Variants in FBXO9 observed in about 807,000 individuals in gnomAD.
FBXO9 encodes F-box protein 9.
A neutral mutation model predicts 63.7 loss-of-function variants in FBXO9; 43 were observed. The ratio of observed to expected loss-of-function variants is 0.67; its 90% CI spans 0.53 to 0.87. The LOEUF (loss-of-function observed/expected upper bound fraction) is 0.87, where lower values mean the gene tolerates loss of function less well. FBXO9 is among the 40% of genes least tolerant of loss of function. The pLI is 0.00. For synonymous variants in FBXO9, 156 were observed against 171.7 expected (o/e 0.91, Z 0.72); for missense variants, 442 against 533.2 (o/e 0.83, Z 1.68).
At chr6:53,090,884 A>T (rs972133856) in intron 7 of FBXO9, 6 of 151,862 alleles carry the variant, frequency 4.0e-5, no homozygotes, top group African/African-American at 1.5e-4. Context: ...CTAGTTAATT[A>T]AAAAAAATTT....
At position 53,065,453 on chromosome 6, in the gene FBXO9, G is replaced by T. The variant is rs1309523714; in HGVS notation, c.-337G>T. 2 of 286,370 alleles carry T rather than the reference G, an allele frequency of 7.0e-6. No individual in the cohort carries two copies. The highest frequency in any genetic ancestry group is 1.3e-5 in the Non-Finnish European group (2 of 154,596). The allele number at this position is 286,370 out of a possible 1,614,324, so 17.7% of individuals were successfully genotyped here. A position where few individuals can be genotyped will look rare whatever the true frequency, so the allele number is the denominator to read the frequency against. ...TCCGCAGCTGAGGGGGCAGCTCCGC[G>T]GCGGCGTCCGGGGTCTCCAGTAGGG... On this transcript the variant is annotated 5_prime_UTR_variant, in exon 1 of 13. Transcript: ENST00000323557.
At chr6:53,084,030 T>C (rs907950565) in intron 7 of FBXO9, among the ~76,000 whole-genome samples, 2 of 152,230 alleles carry the variant, frequency 1.3e-5, no homozygotes, top group Non-Finnish European at 2.9e-5. Context: ...TGGATTCCAT[T>C]ATTAAGTTTG....
intron 2 of FBXO9, among the ~76,000 whole-genome samples, chr6:53,072,886 A>G (rs958900903): frequency 1.3e-5 from 2 of 152,044 alleles, no homozygotes; most frequent in African/African-American, 4.8e-5. Flanking sequence ...ACACCTGGCT[A>G]ATTTGTTTGT....
chr6:53,093,930 A>C lies in FBXO9; in HGVS notation c.1005A>C (p.Thr335=). 6.4e-7 allele frequency: 1 copy of C among 1,555,268 alleles called. No homozygotes were observed. Among genetic ancestry groups the C allele is most frequent in the South Asian group, 1.2e-5 (1 of 84,024 alleles). The part of the protein sequence containing the change: ...LLGHYRLSQD[T]DNQTKVFAVI... The stretch of plus-strand genomic sequence containing the variant: ...GTCACTATCGCTTGTCACAAGACAC[A>C]GACAATCAGACCAAAGTATTTGCTG... Residue 335 remains threonine (T), a synonymous_variant, in exon 11 of 13, where the codon ACA becomes ACC. Transcript: ENST00000323557.
rs751517749 is a variant in FBXO9, at chr6:53,093,548, A to G, written c.946A>G (p.Thr316Ala). 2 of 1,612,682 alleles carry G rather than the reference A, an allele frequency of 1.2e-6. No individual in the cohort carries two copies. Among genetic ancestry groups the G allele is most frequent in the Non-Finnish European group, 1.7e-6 (2 of 1,178,964 alleles). Reference sequence around the variant, plus strand: ...TCAGTCCATTGTTCCACGTTTAAGAACTAGGAATACCAGGTAGCATTTGTT... The same window carrying G: ...TCAGTCCATTGTTCCACGTTTAAGAGCTAGGAATACCAGGTAGCATTTGTT... Reference protein sequence around the residue: ...EPQSIVPRLRTRNTRTDAILL... With the variant: ...EPQSIVPRLRARNTRTDAILL... The change falls in exon 10 of 13, where the codon ACT (threonine) becomes GCT (alanine). Residue 316 changes from threonine to alanine, a missense_variant. This residue lies in a region of FBXO9 where 262 missense variants were observed against 362.1 expected (regional missense o/e 0.72). Coordinates refer to ENST00000323557, the MANE Select transcript of FBXO9 (RefSeq NM_033480.3).
chr6:53,065,823 G>A (rs1768673656), intron 1 of FBXO9, 31 bp downstream of exon 1: 3 of 1,325,408 alleles, frequency 2.3e-6, no homozygotes, highest in Non-Finnish European at 1.9e-6. Context: ...GAGGGTGGAC[G>A]CCGCGGGGCG....
At chr6:53,069,213 C>T (rs1019230229) in intron 1 of FBXO9, among the ~76,000 whole-genome samples, 2 of 152,274 alleles carry the variant, frequency 1.3e-5, no homozygotes, top group Middle Eastern at 3.4e-3. Flanking sequence ...TACATTTTAA[C>T]CTAGAACCCA....
At chr6:53,072,932 G>A (rs146220371) in intron 2 of FBXO9, among the ~76,000 whole-genome samples, 1,521 of 152,006 alleles carry the variant, frequency 0.01, 17 homozygotes, top group East Asian at 0.062. Flanking sequence ...CATGTTGGCC[G>A]GGCTGTTCTC....
intron 3 of FBXO9, among the ~76,000 whole-genome samples, chr6:53,075,703 C>G (rs544730650): frequency 1.0e-3 from 116 of 112,046 alleles, no homozygotes; most frequent in Non-Finnish European, 1.6e-3. Flanking sequence ...CTGTTGATGT[C>G]TTTTCTAATT....
In FBXO9 at chr6:53,081,148, A is replaced by G. The variant is rs773251231; in HGVS notation, c.538+50A>G. The G allele has an allele frequency of 3.2e-6, 5 of 1,558,546 alleles. No homozygotes were observed. The Admixed American group carries it at 9.4e-5, about 29-fold the overall frequency. ...TCAGTGAGAAATATCTTAACCTTAA[A>G]GATTTCCAAATTTATAAGGTCAGAT... On this transcript the variant is annotated intron_variant, in intron 6 of 12. Coordinates refer to ENST00000323557, the MANE Select transcript of FBXO9 (RefSeq NM_033480.3).
At chr6:53,092,592 T>C (rs758423078) in intron 8 of FBXO9, 45 bp downstream of exon 8, 3 of 1,533,494 alleles carry the variant, frequency 2.0e-6, no homozygotes, top group Non-Finnish European at 2.7e-6. Flanking sequence ...TGATCTATAA[T>C]GCTGATTTTT....
At chr6:53,088,701 C>T (rs1174509946) in intron 7 of FBXO9, among the ~76,000 whole-genome samples, 2 of 151,368 alleles carry the variant, frequency 1.3e-5, no homozygotes, top group Non-Finnish European at 2.9e-5. Context: ...CGGGTTCAGG[C>T]GATTCTCCTG....
Position 53,097,972 on chromosome 6 carries a change from A to G in FBXO9, c.*142A>G, listed in dbSNP as rs1475500171. ...TATATATATATATATATATATATATATATGGAATTGGAACTTATTTTAAAT... is the reference window on the plus strand; with the variant it reads ...TATATATATATATATATATATATATGTATGGAATTGGAACTTATTTTAAAT... On this transcript the variant is annotated 3_prime_UTR_variant, in exon 13 of 13. Transcript: ENST00000323557. The G allele has an allele frequency of 2.3e-5, 3 of 131,006 alleles. No homozygotes were observed. The Admixed American group carries it at 2.9e-4, about 13-fold the overall frequency. 8.1% of individuals were successfully genotyped at this position (131,006 alleles called of 1,614,324 possible). A position where few individuals can be genotyped will look rare whatever the true frequency, so the allele number is the denominator to read the frequency against.
At position 53,097,898 on chromosome 6, in the gene FBXO9, T is replaced by A; in HGVS notation, c.*68T>A. On this transcript the variant is annotated 3_prime_UTR_variant, in exon 13 of 13. Transcript: ENST00000323557. ...TATATAGCGCAAAAGAGCACCTAAG[T>A]TATAAATGTGTGTGTGTGCGTGTGT... 2.2e-6 allele frequency: 1 copy of A among 450,024 alleles called. No homozygotes were observed. The highest frequency in any genetic ancestry group is 3.8e-5 in the Admixed American group (1 of 26,128). 27.9% of individuals were successfully genotyped at this position (450,024 alleles called of 1,614,324 possible). A position where few individuals can be genotyped will look rare whatever the true frequency, so the allele number is the denominator to read the frequency against.
chr6:53,082,508 G>A lies in FBXO9; in HGVS notation c.543G>A (p.Leu181=). ...LESSQIHISV[L]PMEVLMYIFR... is the part of the protein sequence containing the mutation. ...AAGGATGATTTTCTTTTGCAGTGCT[G>A]CCAATGGAGGTCCTGATGTACATCT... The change falls in exon 7 of 13, where the codon CTG becomes CTA. Residue 181 remains leucine, a synonymous_variant. Coordinates refer to ENST00000323557, the MANE Select transcript of FBXO9 (RefSeq NM_033480.3). 1.2e-6 allele frequency: 2 copies of A among 1,610,468 alleles called. No individual in the cohort carries two copies. Among genetic ancestry groups the A allele is most frequent in the Non-Finnish European group, 1.7e-6 (2 of 1,177,584 alleles).
At chr6:53,072,604 C>G (rs1331409532) in intron 2 of FBXO9, among the ~76,000 whole-genome samples, 1 of 152,282 alleles carries the variant, frequency 6.6e-6, no homozygotes, top group Middle Eastern at 3.4e-3. Context: ...GGGCTGACAA[C>G]TCAAGTGTTT....
At chr6:53,069,115 G>C (rs1458366620) in intron 1 of FBXO9, among the ~76,000 whole-genome samples, 1 of 152,176 alleles carries the variant, frequency 6.6e-6, no homozygotes, top group African/African-American at 2.4e-5. Flanking sequence ...TCTGTCCCAA[G>C]AAAGCAATAA....
At chr6:53,075,742 T>A (rs1402723698) in intron 3 of FBXO9, among the ~76,000 whole-genome samples, 64 of 112,628 alleles carry the variant, frequency 5.7e-4, no homozygotes, top group African/African-American at 1.9e-3. Flanking sequence ...TAATTATTTT[T>A]TTTTTTTTTT....
intron 7 of FBXO9, among the ~76,000 whole-genome samples, chr6:53,089,232 G>T (rs1171009540): frequency 1.3e-5 from 2 of 152,012 alleles, no homozygotes; most frequent in African/African-American, 2.4e-5. Context: ...CCGCCACCAG[G>T]CCCGGCTAAT....
Sources: allele counts gnomAD v4.1 joint callset (sites outside exome capture counted in the v4.1 genomes callset), GRCh38; gene constraint gnomAD v4.1.1; regional missense constraint gnomAD v4.1.1; transcripts MANE v1.5; gene names NCBI Gene and HGNC (gene_info 2026-07-23, HGNC 2026-07-21).